The following CACNA1C variants were observed in gnomAD, a reference collection of about 807,000 sequenced individuals.
The protein encoded by CACNA1C is calcium voltage-gated channel subunit alpha1 C, also known as voltage-dependent L-type calcium channel subunit alpha-1C.
In CACNA1C, 30 loss-of-function variants were observed where a neutral mutation model predicts 229.0. The ratio of observed to expected loss-of-function variants is 0.13; its 90% CI spans 0.10 to 0.18. CACNA1C has a LOEUF of 0.18. Among genes scored for constraint, CACNA1C ranks in the 10% least tolerant of loss-of-function variants. The probability of loss-of-function intolerance (pLI) is 1.00; values close to 1 mark genes in which losing one functional copy is unlikely to be tolerated. For missense variants in CACNA1C, 1,658 were observed against 2,845.0 expected, an observed-to-expected ratio of 0.58 and a Z score of 9.49; for synonymous variants, 1,114 against 1,132.5, an observed-to-expected ratio of 0.98 and a Z score of 0.33.
intron 9 of CACNA1C, among the ~76,000 whole-genome samples, chr12:2,546,374 C>T (rs1254514778): frequency 4.6e-5 from 7 of 151,784 alleles, no homozygotes; most frequent in African/African-American, 1.4e-4. Flanking sequence ...TGTCTTCACA[C>T]TCTCCTGTGC....
intron 3 of CACNA1C, among the ~76,000 whole-genome samples, chr12:2,226,264 C>A (rs1235387441): frequency 6.6e-6 from 1 of 152,094 alleles, no homozygotes; most frequent in Non-Finnish European, 1.5e-5. Context: ...AGCATCCTTT[C>A]ACTGATTTGA....
chr12:2,278,251 A>T (rs1488519180), intron 3 of CACNA1C, among the ~76,000 whole-genome samples: 1 of 152,234 alleles, frequency 6.6e-6, no homozygotes, highest in Non-Finnish European at 1.5e-5. Flanking sequence ...ATGAATTTTT[A>T]AAAACAGCTT....
rs997859528 is a variant in CACNA1C, at chr12:1,976,899, A to G, written c.139+5698A>G. Among the ~76,000 whole-genome samples, 13 of 152,176 alleles carry G rather than the reference A, an allele frequency of 8.5e-5. No homozygotes were observed. The East Asian group carries it at 2.3e-3, about 27-fold the overall frequency. On this transcript the variant is annotated intron_variant, in intron 1 of 46. Coordinates refer to the CACNA1C transcript ENST00000682462. ...AAAGTAGGAAGTAAAGAAGGAAGAA[A>G]TGAAGGAAAAAAGGGAAGAAGAAAA...
chr12:2,618,034 T>A (rs2081487824), intron 29 of CACNA1C, among the ~76,000 whole-genome samples: 1 of 152,220 alleles, frequency 6.6e-6, no homozygotes, highest in Non-Finnish European at 1.5e-5. Context: ...TCCAGGGGCA[T>A]CCATGCCCTG....
intron 3 of CACNA1C, among the ~76,000 whole-genome samples, chr12:2,232,632 T>C (rs1034558371): frequency 6.6e-6 from 1 of 152,186 alleles, no homozygotes; most frequent in Non-Finnish European, 1.5e-5. Context: ...CCCATAGTTT[T>C]AGCATTCCCT....
intron 1 of CACNA1C, among the ~76,000 whole-genome samples, chr12:2,076,254 C>T (rs145736822): frequency 3.3e-5 from 5 of 152,298 alleles, no homozygotes; most frequent in Admixed American, 1.3e-4. Context: ...CACCCGCAGA[C>T]GTAACCTTCT....
intron 3 of CACNA1C, among the ~76,000 whole-genome samples, chr12:2,201,051 A>T (rs1248749099): frequency 1.3e-5 from 2 of 152,120 alleles, no homozygotes; most frequent in Non-Finnish European, 2.9e-5. Flanking sequence ...TAAAAAACGT[A>T]TTTTTCTAGA....
chr12:2,011,318 T>C (rs2044404291), intron 1 of CACNA1C: 1 of 152,150 alleles, frequency 6.6e-6, no homozygotes, highest in South Asian at 2.1e-4. Context: ...AAGATGATAT[T>C]GGATGTGGCT....
chr12:2,630,331 C>T lies in CACNA1C; in HGVS notation c.3829-3966C>T, dbSNP rs1048236651. ...TAATGGTTTCCAGCAACCGAGGGGG[C>T]GGGCAAAAACAGAGAGAAGAGAGAT... On this transcript the variant is annotated intron_variant, in intron 29 of 46. Transcript: ENST00000399655. This position sits in a 1 kb window ranked among gnomAD's most constrained non-coding sequence, Gnocchi z 5.4. 6.6e-6 allele frequency among the ~76,000 whole-genome samples: 1 copy of T among 152,042 alleles called. No homozygotes were observed. The highest frequency in any genetic ancestry group is 2.4e-5 in the African/African-American group (1 of 41,390).
chr12:2,072,950 C>A (rs2061885057), intron 1 of CACNA1C, among the ~76,000 whole-genome samples: 1 of 152,066 alleles, frequency 6.6e-6, no homozygotes, highest in African/African-American at 2.4e-5. Flanking sequence ...CTACTAGATA[C>A]CAGACGGACA....
chr12:2,476,433 C>G (rs755085565), intron 5 of CACNA1C, among the ~76,000 whole-genome samples: 5 of 152,206 alleles, frequency 3.3e-5, no homozygotes, highest in African/African-American at 7.2e-5. Context: ...TTTCTTTTAT[C>G]TGTATTAAGA....
chr12:2,494,872 G>T (rs1419351142), intron 7 of CACNA1C, among the ~76,000 whole-genome samples: 1 of 152,184 alleles, frequency 6.6e-6, no homozygotes, highest in Non-Finnish European at 1.5e-5. Flanking sequence ...CGAGGACCTT[G>T]TACCCAGCAA....
At chr12:2,338,877 T>G (rs2096779768) in intron 3 of CACNA1C, among the ~76,000 whole-genome samples, 1 of 152,176 alleles carries the variant, frequency 6.6e-6, no homozygotes, top group African/African-American at 2.4e-5. Flanking sequence ...AGCATACCCA[T>G]CATGCTAAAC....
At chr12:2,228,595 G>C (rs1260113445) in intron 3 of CACNA1C, among the ~76,000 whole-genome samples, 1 of 152,226 alleles carries the variant, frequency 6.6e-6, no homozygotes, top group Non-Finnish European at 1.5e-5. Context: ...AGAGTTTGTA[G>C]AAAAGGGGGG....
At chr12:2,372,462 C>T (rs2097896284) in intron 3 of CACNA1C, among the ~76,000 whole-genome samples, 2 of 152,174 alleles carry the variant, frequency 1.3e-5, no homozygotes, top group Admixed American at 1.3e-4. Context: ...ATGACACAGG[C>T]AGATCTCCAG....
intron 42 of CACNA1C, chr12:2,680,232 TC>T: frequency 1.6e-6 from 1 of 633,954 alleles, no homozygotes; most frequent in East Asian, 2.9e-5. Flanking sequence ...GGAGAGGGCA[TC>T]CCCTGTGGGA....
intron 3 of CACNA1C, among the ~76,000 whole-genome samples, chr12:2,279,091 A>G (rs924026221): frequency 9.2e-5 from 14 of 152,118 alleles, no homozygotes; most frequent in African/African-American, 3.4e-4. Context: ...TCATTTTCAT[A>G]TTATTGCATT....
intron 3 of CACNA1C, among the ~76,000 whole-genome samples, chr12:2,213,759 T>C (rs1030391355): frequency 6.6e-6 from 1 of 152,200 alleles, no homozygotes; most frequent in Non-Finnish European, 1.5e-5. Context: ...GGAGGCAGCG[T>C]TGACAAGGGA....
At chr12:2,252,798 A>G (rs1258774724) in intron 3 of CACNA1C, among the ~76,000 whole-genome samples, 1 of 151,026 alleles carries the variant, frequency 6.6e-6, no homozygotes, top group Non-Finnish European at 1.5e-5. Flanking sequence ...TTTACTTCCC[A>G]AGACTTTCTT....
Sources: allele counts gnomAD v4.1 joint callset (sites outside exome capture counted in the v4.1 genomes callset), GRCh38; gene constraint gnomAD v4.1.1; non-coding constraint Gnocchi (gnomAD v3.1); transcripts MANE v1.5; gene names NCBI Gene and HGNC (gene_info 2026-07-23, HGNC 2026-07-21).